ZDHHC17: variants seen among roughly 807,000 people sequenced by gnomAD.
ZDHHC17 encodes palmitoyltransferase ZDHHC17.
Under a neutral mutation model 90.3 loss-of-function variants are expected in ZDHHC17, and 40 were observed. That is an observed-to-expected ratio of 0.44 (90% confidence interval 0.34 to 0.58). The LOEUF (loss-of-function observed/expected upper bound fraction) is 0.58. Ranked by LOEUF, ZDHHC17 falls within the 20% of genes least tolerant of loss-of-function variation. The pLI is 0.01. For missense variants in ZDHHC17, 614 were observed against 780.8 expected (o/e 0.79, Z 2.55); for synonymous variants, 235 against 252.4 (o/e 0.93, Z 0.65).
chr12:76,818,137 A>G (rs530010767), intron 7 of ZDHHC17, among the ~76,000 whole-genome samples: 44 of 152,308 alleles, frequency 2.9e-4, no homozygotes, highest in African/African-American at 1.0e-3. Flanking sequence ...AAAGAAAATA[A>G]AGTCTAAGGA....
chr12:76,848,188 T>C (rs747794101), intron 14 of ZDHHC17, 45 bp from the exon 15 acceptor site: 5 of 1,605,376 alleles, frequency 3.1e-6, no homozygotes, highest in African/African-American at 1.3e-5. Flanking sequence ...ATGAGGTGCT[T>C]GGATGATTAT....
At chr12:76,818,556 C>T (rs1181651637) in intron 7 of ZDHHC17, among the ~76,000 whole-genome samples, 1 of 152,136 alleles carries the variant, frequency 6.6e-6, no homozygotes, top group Non-Finnish European at 1.5e-5. Context: ...TTGGGAATGC[C>T]TCTGAGGAGA....
intron 1 of ZDHHC17, among the ~76,000 whole-genome samples, chr12:76,792,152 C>T (rs117524341): frequency 0.011 from 1,677 of 152,250 alleles, 11 homozygotes; most frequent in Non-Finnish European, 0.017. Flanking sequence ...CAGCCCCCTC[C>T]TGAGTTTATG....
intron 13 of ZDHHC17, 106 bp downstream of exon 13, chr12:76,845,908 T>C: frequency 1.9e-6 from 1 of 538,536 alleles, no homozygotes; most frequent in Non-Finnish European, 3.2e-6. Flanking sequence ...TACTCCACGC[T>C]TCATTTTCTC....
intron 7 of ZDHHC17, among the ~76,000 whole-genome samples, chr12:76,819,923 G>A (rs1953140976): frequency 6.6e-6 from 1 of 151,186 alleles, no homozygotes; most frequent in African/African-American, 2.4e-5. Context: ...AACCTGAGAG[G>A]TGGAGGTTGC....
Position 76,853,386 on chromosome 12 carries a change from G to T in ZDHHC17, c.*2401G>T, listed in dbSNP as rs1355733768. The T allele has an allele frequency of 6.6e-6, 1 of 152,470 alleles. No homozygotes were observed. The highest frequency in any genetic ancestry group is 1.5e-5 in the Non-Finnish European group (1 of 67,972). The allele number at this position is 152,470 out of a possible 1,614,324, so 9.4% of individuals were successfully genotyped here. A position where few individuals can be genotyped will look rare whatever the true frequency, so the allele number is the denominator to read the frequency against. ...TTATCAACTTAATTGGATACTTTTAGCAAATAGGAACTTAATTCTCAGCAC... is the reference window on the plus strand; with the variant it reads ...TTATCAACTTAATTGGATACTTTTATCAAATAGGAACTTAATTCTCAGCAC... On this transcript the variant is annotated 3_prime_UTR_variant, in exon 17 of 17. Coordinates refer to ENST00000426126, the MANE Select transcript of ZDHHC17 (RefSeq NM_015336.4).
chr12:76,821,295 T>A, intron 7 of ZDHHC17: 1 of 260,344 alleles, frequency 3.8e-6, no homozygotes, highest in Non-Finnish European at 6.9e-6. Context: ...AGCCCATTTC[T>A]TATTAAATAC....
chr12:76,822,849 G>A (rs1953182352), intron 8 of ZDHHC17, among the ~76,000 whole-genome samples: 1 of 151,996 alleles, frequency 6.6e-6, no homozygotes, highest in Non-Finnish European at 1.5e-5. Flanking sequence ...ACAGGCATGA[G>A]CCACCGCGCC....
chr12:76,795,454 G>A (rs1452704988), intron 1 of ZDHHC17, among the ~76,000 whole-genome samples: 2 of 152,036 alleles, frequency 1.3e-5, no homozygotes, highest in Admixed American at 6.6e-5. Context: ...TGTTCTCCCT[G>A]AAAGATGTGA....
intron 1 of ZDHHC17, among the ~76,000 whole-genome samples, chr12:76,768,681 C>T (rs1592454204): frequency 6.6e-6 from 1 of 152,170 alleles, no homozygotes; most frequent in Non-Finnish European, 1.5e-5. Flanking sequence ...GTCCAGCAGA[C>T]TAGCCATGAC....
intron 1 of ZDHHC17, among the ~76,000 whole-genome samples, chr12:76,765,858 A>G (rs1425924938): frequency 2.0e-5 from 3 of 151,822 alleles, no homozygotes; most frequent in Non-Finnish European, 2.9e-5. Context: ...GCGCCACCAT[A>G]CCCGGCTGAT....
At chr12:76,779,553 A>G (rs1477671406) in intron 1 of ZDHHC17, among the ~76,000 whole-genome samples, 5 of 152,150 alleles carry the variant, frequency 3.3e-5, no homozygotes, top group Admixed American at 3.3e-4. Context: ...ACCTCCTACC[A>G]ATTCCCTCCC....
At chr12:76,850,395 A>C (rs1225663088) in intron 16 of ZDHHC17, among the ~76,000 whole-genome samples, 1 of 151,996 alleles carries the variant, frequency 6.6e-6, no homozygotes, top group Non-Finnish European at 1.5e-5. Context: ...TCTCCTGCCA[A>C]AGAGCCACTA....
chr12:76,836,411 T>C (rs1953363690), intron 10 of ZDHHC17, among the ~76,000 whole-genome samples: 1 of 152,084 alleles, frequency 6.6e-6, no homozygotes, highest in African/African-American at 2.4e-5. Context: ...CTCTTGTTTT[T>C]TTAAACTCAG....
intron 1 of ZDHHC17, among the ~76,000 whole-genome samples, chr12:76,786,134 TTA>T (rs1952683084): frequency 6.6e-6 from 1 of 151,538 alleles, no homozygotes; most frequent in Admixed American, 6.6e-5. Context: ...TTTTTTTTTT[TTA>T]AAGAGATGGG....
intron 9 of ZDHHC17, 74 bp downstream of exon 9, chr12:76,827,124 ATGTT>A (rs1430903036): frequency 7.1e-6 from 10 of 1,399,850 alleles, no homozygotes; most frequent in Non-Finnish European, 9.4e-6. Context: ...TATAAAATTA[ATGTT>A]TGTATGTTGT....
At chr12:76,788,030 A>G (rs1952711684) in intron 1 of ZDHHC17, among the ~76,000 whole-genome samples, 1 of 152,168 alleles carries the variant, frequency 6.6e-6, no homozygotes, top group South Asian at 2.1e-4. Flanking sequence ...GGTGATGATC[A>G]CGTCTGTGCA....
At chr12:76,841,808 G>A (rs1474785536) in intron 10 of ZDHHC17, among the ~76,000 whole-genome samples, 174 bp from the exon 11 acceptor site, 1 of 152,028 alleles carries the variant, frequency 6.6e-6, no homozygotes, top group East Asian at 1.9e-4. Context: ...AAGTCTGCAT[G>A]ATTTAAAATT....
At chr12:76,822,351 T>C (rs779357063) in intron 7 of ZDHHC17, 55 bp from the exon 8 acceptor site, 63 of 1,591,322 alleles carry the variant, frequency 4.0e-5, no homozygotes, top group Non-Finnish European at 5.0e-5. Context: ...TAAAGGTAAC[T>C]AAGATAGCCT....
Sources: gnomAD v4.1 joint callset for allele counts (sites outside exome capture counted in the v4.1 genomes callset) on GRCh38, gnomAD v4.1.1 for gene constraint, MANE v1.5 for transcripts, NCBI Gene and HGNC (gene_info 2026-07-23, HGNC 2026-07-21) for gene names.